Variants in SPPL3 observed in about 807,000 individuals in gnomAD.
SPPL3 encodes the protein signal peptide peptidase-like 3.
SPPL3 carries 5 observed loss-of-function variants against 42.4 expected under a neutral mutation model. The ratio of observed to expected loss-of-function variants is 0.12; its 90% CI spans 0.06 to 0.25. SPPL3 has a LOEUF of 0.25. SPPL3 is among the 10% of genes least tolerant of loss of function. SPPL3 has a pLI of 1.00. For missense variants in SPPL3, 235 were observed against 489.0 expected (o/e 0.48, Z 4.90); for synonymous variants, 195 against 181.8 (o/e 1.07, Z -0.58).
chr12:120,845,609 T>C (rs1871999095), intron 1 of SPPL3: 1 of 460,640 alleles, frequency 2.2e-6, no homozygotes, highest in South Asian at 2.3e-5. Context: ...ACATTTCTTT[T>C]CTGTCAAAAA....
intron 1 of SPPL3, among the ~76,000 whole-genome samples, chr12:120,856,503 C>CTTTTTTT (rs35137934): frequency 2.2e-5 from 2 of 89,190 alleles, no homozygotes; most frequent in East Asian, 3.7e-4. Context: ...CAATTTTCAT[C>CTTTTTTT]TTTTTTTTTT....
intron 1 of SPPL3, among the ~76,000 whole-genome samples, chr12:120,820,210 T>C (rs562385441): frequency 1.3e-5 from 2 of 152,114 alleles, no homozygotes; most frequent in South Asian, 2.1e-4. Context: ...TTAAAAATTA[T>C]ATGCAAAAAA....
chr12:120,879,980 T>C (rs995148479), intron 1 of SPPL3, among the ~76,000 whole-genome samples: 1 of 151,410 alleles, frequency 6.6e-6, no homozygotes, highest in African/African-American at 2.4e-5. Flanking sequence ...CCTGCTTTTA[T>C]CTTTTTTTTT....
intron 1 of SPPL3, among the ~76,000 whole-genome samples, chr12:120,882,091 T>A (rs1391119746): frequency 6.6e-6 from 1 of 152,124 alleles, no homozygotes; most frequent in Non-Finnish European, 1.5e-5. Flanking sequence ...CATGCCATCC[T>A]GCTCCCTCCT....
At chr12:120,814,081 A>G (rs971596893) in intron 1 of SPPL3, among the ~76,000 whole-genome samples, 26 of 152,188 alleles carry the variant, frequency 1.7e-4, no homozygotes, top group Admixed American at 2.0e-4. Flanking sequence ...AAAACATGGG[A>G]GGGATACACC....
At chr12:120,838,237 G>A (rs1050510162) in intron 1 of SPPL3, among the ~76,000 whole-genome samples, 9 of 152,140 alleles carry the variant, frequency 5.9e-5, no homozygotes, top group Admixed American at 5.9e-4. Context: ...TCAGATACAG[G>A]CTCGAGTGCA....
At chr12:120,889,849 T>TA (rs781406653) in intron 1 of SPPL3, among the ~76,000 whole-genome samples, 11 of 152,160 alleles carry the variant, frequency 7.2e-5, no homozygotes, top group Non-Finnish European at 1.3e-4. Flanking sequence ...TCACTTAACA[T>TA]AAGACAACCA....
At chr12:120,792,980 A>C (rs1183550621) in intron 2 of SPPL3, among the ~76,000 whole-genome samples, 1 of 152,218 alleles carries the variant, frequency 6.6e-6, no homozygotes, top group African/African-American at 2.4e-5. Context: ...CTAACCAAAA[A>C]GTCAAAAGAC....
intron 1 of SPPL3, among the ~76,000 whole-genome samples, chr12:120,878,197 T>C (rs902717686): frequency 1.3e-5 from 2 of 152,168 alleles, no homozygotes; most frequent in East Asian, 1.9e-4. Context: ...GTAATTAATG[T>C]AGTATTTAAA....
chr12:120,852,040 T>G (rs566486528), intron 1 of SPPL3, among the ~76,000 whole-genome samples: 1 of 152,230 alleles, frequency 6.6e-6, no homozygotes, highest in African/African-American at 2.4e-5. Context: ...AAGCTATTAG[T>G]TTGTATGATA....
chr12:120,834,570 A>G (rs952712954), intron 1 of SPPL3, among the ~76,000 whole-genome samples: 7 of 152,154 alleles, frequency 4.6e-5, no homozygotes, highest in African/African-American at 1.7e-4. Context: ...TCTTTGCTAA[A>G]ACAAATGAAG....
rs974470870 is a variant in SPPL3, at chr12:120,901,968, C to T, written c.23+1877G>A. ...GGGCCTCTGTACAGCACAGTAAAAA[C>T]AGCAAAGCAGCCATTAGGACTCTCA... On this transcript the variant is annotated intron_variant, in intron 1 of 10. Coordinates refer to ENST00000353487, the MANE Select transcript of SPPL3 (RefSeq NM_139015.5). 6 of 983,184 alleles carry T rather than the reference C, an allele frequency of 6.1e-6. No homozygotes were observed. The East Asian group carries it at 3.4e-4, about 56-fold the overall frequency. 60.9% of individuals were successfully genotyped at this position (983,184 alleles called of 1,614,324 possible).
Position 120,766,281 on chromosome 12 carries a change from G to C in SPPL3, c.1065C>G (p.Leu355=), listed in dbSNP as rs376457961. 3.8e-6 allele frequency: 6 copies of C among 1,591,092 alleles called. No homozygotes were observed. The Admixed American group carries it at 1.1e-4, about 28-fold the overall frequency. ...CTCTCACCTTTAAATAGGCCATCGT[G>C]AGGAGTGGCAATAAAGTAAATGGCA... The part of the protein sequence containing the change: ...YLVPFTLLPL[L]TMAYLKGDLR... Residue 355 remains leucine (L), a synonymous_variant, in exon 10 of 11, where the codon CTC becomes CTG. Coordinates refer to ENST00000353487, the MANE Select transcript of SPPL3 (RefSeq NM_139015.5).
intron 1 of SPPL3, among the ~76,000 whole-genome samples, chr12:120,850,767 AG>A (rs1167287266): frequency 6.6e-6 from 1 of 152,186 alleles, no homozygotes; most frequent in Non-Finnish European, 1.5e-5. Flanking sequence ...GAGGGCTCTG[AG>A]GGAAGAATGT....
At chr12:120,876,624 A>AAAAAAAAAAAAAAAAAAAAAAAAG (rs1873100816) in intron 1 of SPPL3, among the ~76,000 whole-genome samples, 1 of 143,776 alleles carries the variant, frequency 7.0e-6, no homozygotes, top group African/African-American at 2.8e-5. Flanking sequence ...CTCAAAAAAA[A>AAAAAAAAAAAAAAAAAAAAAAAAG]AAAAAAAAAA....
intron 6 of SPPL3, among the ~76,000 whole-genome samples, chr12:120,771,029 T>C (rs1375441071): frequency 6.6e-6 from 1 of 152,210 alleles, no homozygotes; most frequent in African/African-American, 2.4e-5. Context: ...ACACCCTGCC[T>C]GGCTTAAGCC....
At chr12:120,863,553 T>G (rs557145242) in intron 1 of SPPL3, among the ~76,000 whole-genome samples, 3 of 152,234 alleles carry the variant, frequency 2.0e-5, no homozygotes, top group Non-Finnish European at 4.4e-5. Flanking sequence ...TTCAACTGCA[T>G]GCATATCTAT....
chr12:120,806,671 A>C (rs1313581500), intron 2 of SPPL3, among the ~76,000 whole-genome samples: 3 of 152,060 alleles, frequency 2.0e-5, no homozygotes, highest in African/African-American at 7.2e-5. Flanking sequence ...ACACTGTGAA[A>C]CCACGTCTCT....
At chr12:120,870,791 A>G (rs1476114167) in intron 1 of SPPL3, among the ~76,000 whole-genome samples, 1 of 152,160 alleles carries the variant, frequency 6.6e-6, no homozygotes, top group East Asian at 1.9e-4. Context: ...TCAAATTCAT[A>G]GACAGTGGAA....
Sources: allele counts gnomAD v4.1 joint callset (sites outside exome capture counted in the v4.1 genomes callset), GRCh38; gene constraint gnomAD v4.1.1; transcripts MANE v1.5; gene names NCBI Gene and HGNC (gene_info 2026-07-23, HGNC 2026-07-21).